The following JAKMIP2 variants were observed in gnomAD, a reference collection of about 807,000 sequenced individuals.
JAKMIP2 encodes janus kinase and microtubule-interacting protein 2.
Under a neutral mutation model 115.0 loss-of-function variants are expected in JAKMIP2, and 25 were observed. The observed-to-expected ratio is 0.22, with a 90% CI of 0.16 to 0.30. The LOEUF is 0.30. Among genes scored for constraint, JAKMIP2 ranks in the 10% least tolerant of loss-of-function variants. JAKMIP2 has a pLI of 1.00. For synonymous variants in JAKMIP2, 334 were observed against 343.6 expected (o/e 0.97, Z 0.31); for missense variants, 642 against 957.6 (o/e 0.67, Z 4.35).
At chr5:147,706,643 A>G (rs1247854876) in intron 1 of JAKMIP2, among the ~76,000 whole-genome samples, 3 of 152,190 alleles carry the variant, frequency 2.0e-5, no homozygotes, top group Non-Finnish European at 2.9e-5. Context: ...AAAAATTATG[A>G]TCTACCCAAA....
intron 21 of JAKMIP2, among the ~76,000 whole-genome samples, chr5:147,600,725 C>T (rs911213532): frequency 1.3e-5 from 2 of 152,056 alleles, no homozygotes; most frequent in Admixed American, 6.6e-5. Flanking sequence ...CTCTATCTCC[C>T]TCTATCTCCA....
chr5:147,605,538 C>T (rs1755960986), intron 20 of JAKMIP2, among the ~76,000 whole-genome samples: 1 of 152,142 alleles, frequency 6.6e-6, no homozygotes, highest in South Asian at 2.1e-4. Flanking sequence ...TCCAATCTAA[C>T]AATCATGGGC....
Position 147,586,866 on chromosome 5 carries a change from T to C in JAKMIP2, c.*4841A>G, listed in dbSNP as rs561424656. On this transcript the variant is annotated 3_prime_UTR_variant, in exon 22 of 22. Transcript: ENST00000616793. ...CCTTAGCCTTCTGAGTAGCTATCTTTAGGAATTTTGATTAAGCATTGGACT... is the reference window on the plus strand; with the variant it reads ...CCTTAGCCTTCTGAGTAGCTATCTTCAGGAATTTTGATTAAGCATTGGACT... The C allele has an allele frequency of 1.6e-4, 24 of 151,524 alleles. No individual in the cohort carries two copies. Among genetic ancestry groups the C allele is most frequent in the African/African-American group, 5.6e-4 (23 of 41,320 alleles). The allele number at this position is 151,524 out of a possible 1,614,324, so 9.4% of individuals were successfully genotyped here. A position where few individuals can be genotyped will look rare whatever the true frequency, so the allele number is the denominator to read the frequency against.
chr5:147,656,209 T>C (rs1345118948), intron 3 of JAKMIP2, among the ~76,000 whole-genome samples: 1 of 152,240 alleles, frequency 6.6e-6, no homozygotes, highest in African/African-American at 2.4e-5. Flanking sequence ...TAGGTACACT[T>C]GATCCAGAGC....
Position 147,636,660 on chromosome 5 carries a change from C to T in JAKMIP2, c.1614+305G>A, listed in dbSNP as rs117208363. 4.5e-4 allele frequency among the ~76,000 whole-genome samples: 69 copies of T among 152,206 alleles called. No individual in the cohort carries two copies. In the East Asian group the frequency reaches 7.3e-3, roughly 16 times the overall value. ...ATAAATGTAGCATAGAGGCAAAGAA[C>T]GCAGCTGGAGGGGTGGGTCTTGGTC... On this transcript the variant is annotated intron_variant, in intron 11 of 21. Transcript: ENST00000616793.
At chr5:147,641,492 G>A (rs1757877658) in intron 8 of JAKMIP2, among the ~76,000 whole-genome samples, 1 of 152,140 alleles carries the variant, frequency 6.6e-6, no homozygotes, top group Non-Finnish European at 1.5e-5. Flanking sequence ...TTATATTAAA[G>A]CAAACCCCTT....
chr5:147,708,602 A>G (rs1752666814), intron 1 of JAKMIP2, among the ~76,000 whole-genome samples: 1 of 152,218 alleles, frequency 6.6e-6, no homozygotes, highest in Admixed American at 6.5e-5. Context: ...ACTTCTGTTT[A>G]TTCAATTCTA....
Position 147,591,663 on chromosome 5 carries a change from A to G in JAKMIP2, c.*44T>C, listed in dbSNP as rs1370498001. 2.5e-6 allele frequency: 4 copies of G among 1,596,064 alleles called. No individual in the cohort carries two copies. Among genetic ancestry groups the G allele is most frequent in the African/African-American group, 1.3e-5 (1 of 74,392 alleles). ...GTTTAGAAGCACTTGTCTTCCTGGG[A>G]TCTTATCCATGTTTTCGGTTACTCT... On this transcript the variant is annotated 3_prime_UTR_variant, in exon 22 of 22. Coordinates refer to ENST00000616793, the MANE Select transcript of JAKMIP2 (RefSeq NM_001270941.2).
At chr5:147,767,612 T>A (rs1181372599) in intron 1 of JAKMIP2, among the ~76,000 whole-genome samples, 1 of 152,082 alleles carries the variant, frequency 6.6e-6, no homozygotes, top group East Asian at 1.9e-4. Flanking sequence ...TTTATATTTT[T>A]CTCACTTTCT....
At chr5:147,600,651 T>A (rs1185748365) in intron 21 of JAKMIP2, among the ~76,000 whole-genome samples, 1 of 152,092 alleles carries the variant, frequency 6.6e-6, no homozygotes, top group Non-Finnish European at 1.5e-5. Context: ...TGGCCGGCCA[T>A]CAGAATCACA....
Position 147,591,625 on chromosome 5 carries a change from G to A in JAKMIP2, c.*82C>T. On this transcript the variant is annotated 3_prime_UTR_variant, in exon 22 of 22. Transcript: ENST00000616793. ...CCCTCTCACTGGTGTAAACAATTTT[G>A]CCATCTTTGAAGGTTTAGAAGCACT... 6.4e-7 allele frequency: 1 copy of A among 1,552,018 alleles called. No individual in the cohort carries two copies. The highest frequency in any genetic ancestry group is 8.9e-7 in the Non-Finnish European group (1 of 1,127,990).
In JAKMIP2 at chr5:147,750,413, CAT is replaced by C. The variant is rs1754504613; in HGVS notation, c.-149+32041_-149+32042del. On this transcript the variant is annotated intron_variant, in intron 1 of 21. Coordinates refer to ENST00000616793, the MANE Select transcript of JAKMIP2 (RefSeq NM_001270941.2). ...GTTCTCCAGTCTCATGGAGAGATCA[CAT>C]GTTATACTCACTTATTTAGAGACTC... 2.0e-5 allele frequency among the ~76,000 whole-genome samples: 3 copies of C among 152,184 alleles called. No individual in the cohort carries two copies. The South Asian group carries it at 6.2e-4, about 32-fold the overall frequency.
intron 1 of JAKMIP2, among the ~76,000 whole-genome samples, chr5:147,699,461 A>T (rs751255104): frequency 6.6e-6 from 1 of 151,996 alleles, no homozygotes; most frequent in Non-Finnish European, 1.5e-5. Flanking sequence ...TTAGAGAGGG[A>T]CTCTTTAAAT....
chr5:147,639,606 G>A (rs760070727), intron 10 of JAKMIP2, 26 bp downstream of exon 10: 3 of 1,595,144 alleles, frequency 1.9e-6, no homozygotes, highest in Non-Finnish European at 2.6e-6. Flanking sequence ...CGCTAATTCA[G>A]AGCACTCTCA....
chr5:147,662,908 C>T (rs1759098390), intron 2 of JAKMIP2, among the ~76,000 whole-genome samples: 1 of 151,866 alleles, frequency 6.6e-6, no homozygotes. Flanking sequence ...ATCTCTTGAA[C>T]CCAGGAGGCA....
chr5:147,702,791 T>C (rs1752427986), intron 1 of JAKMIP2, among the ~76,000 whole-genome samples: 1 of 152,128 alleles, frequency 6.6e-6, no homozygotes, highest in African/African-American at 2.4e-5. Context: ...AGTATGGCTC[T>C]ATTTCTATAC....
At chr5:147,624,667 G>A (rs904307314) in intron 16 of JAKMIP2, among the ~76,000 whole-genome samples, 1 of 152,124 alleles carries the variant, frequency 6.6e-6, no homozygotes, top group African/African-American at 2.4e-5. Context: ...ACCATATACA[G>A]GTTTTTATAG....
rs189958526 is a variant in JAKMIP2, at chr5:147,711,564, T to C, written c.-148-39610A>G. Among the ~76,000 whole-genome samples, 150 of 152,338 alleles carry C rather than the reference T, an allele frequency of 9.8e-4. 1 individual carries two copies. The highest frequency in any genetic ancestry group is 5.2e-3 in the Admixed American group (80 of 15,298). On this transcript the variant is annotated intron_variant, in intron 1 of 21. Transcript: ENST00000616793. The stretch of plus-strand genomic sequence containing the variant: ...AACCTAATTTTATTAAGCCTCAGTT[T>C]CCTCATCGATAAAAACAGAATAGTG...
At chr5:147,663,327 C>T (rs1040023782) in intron 2 of JAKMIP2, among the ~76,000 whole-genome samples, 3 of 152,112 alleles carry the variant, frequency 2.0e-5, no homozygotes, top group Admixed American at 6.5e-5. Flanking sequence ...TCTAGGTGGG[C>T]ACATTCTAAT....
Sources: allele counts gnomAD v4.1 joint callset (sites outside exome capture counted in the v4.1 genomes callset), GRCh38; gene constraint gnomAD v4.1.1; transcripts MANE v1.5; gene names NCBI Gene and HGNC (gene_info 2026-07-23, HGNC 2026-07-21).